Variants in MOXD1 observed in about 807,000 individuals in gnomAD.
The protein encoded by MOXD1 is DBH-like monooxygenase protein 1.
A neutral mutation model predicts 66.6 loss-of-function variants in MOXD1; 62 were observed. The ratio of observed to expected loss-of-function variants is 0.93; its 90% confidence interval spans 0.76 to 1.15. MOXD1 has a LOEUF of 1.15. Among genes scored for constraint, MOXD1 ranks in the 50% most tolerant of loss-of-function variants. The probability of loss-of-function intolerance (pLI) is 0.00; values close to 1 mark genes in which losing one functional copy is unlikely to be tolerated. For synonymous variants in MOXD1, 303 were observed against 281.9 expected (o/e 1.07, Z -0.75); for missense variants, 847 against 754.6 (o/e 1.12, Z -1.44).
chr6:132,332,788 A>G (rs1775350128), intron 4 of MOXD1, among the ~76,000 whole-genome samples: 1 of 152,224 alleles, frequency 6.6e-6, no homozygotes, highest in Non-Finnish European at 1.5e-5. Flanking sequence ...AACAAGTTCT[A>G]CAAACATTTT....
Position 132,387,385 on chromosome 6 carries a change from GTT to G in MOXD1, c.265-12610_265-12609del, listed in dbSNP as rs1157174592. Among the ~76,000 whole-genome samples the G allele has an allele frequency of 4.0e-5, 6 of 151,180 alleles. No homozygotes were observed. In the East Asian group the frequency reaches 1.2e-3, roughly 29 times the overall value. On this transcript the variant is annotated intron_variant, in intron 1 of 11. Coordinates refer to ENST00000367963, the MANE Select transcript of MOXD1 (RefSeq NM_015529.4). ...ATTCCCAATGAATTTTTAACTTTTAGTTTCCTTTTATTATTTAAGAATATCGC... is the reference window on the plus strand; with the variant it reads ...ATTCCCAATGAATTTTTAACTTTTAGTCCTTTTATTATTTAAGAATATCGC...
intron 4 of MOXD1, among the ~76,000 whole-genome samples, chr6:132,368,282 A>G (rs1776185620): frequency 6.6e-6 from 1 of 152,120 alleles, no homozygotes; most frequent in South Asian, 2.1e-4. Flanking sequence ...TCTAAAATAA[A>G]GCTTAAAAAG....
chr6:132,346,835 AT>A (rs1199237966), intron 4 of MOXD1, among the ~76,000 whole-genome samples: 6 of 152,142 alleles, frequency 3.9e-5, no homozygotes, highest in African/African-American at 1.4e-4. Context: ...AACAAAATAA[AT>A]TTTTTGAACA....
chr6:132,324,767 C>T (rs1775152175), intron 6 of MOXD1, among the ~76,000 whole-genome samples: 1 of 152,160 alleles, frequency 6.6e-6, no homozygotes. Flanking sequence ...TTCATAAATT[C>T]ATTTCATTAA....
At chr6:132,306,390 G>A (rs1478961307) in intron 10 of MOXD1, among the ~76,000 whole-genome samples, 1 of 152,126 alleles carries the variant, frequency 6.6e-6, no homozygotes, top group Non-Finnish European at 1.5e-5. Flanking sequence ...ATGACTCATT[G>A]GAGTACCAGA....
chr6:132,380,793 TA>T (rs1776491561), intron 1 of MOXD1, among the ~76,000 whole-genome samples: 1 of 152,208 alleles, frequency 6.6e-6, no homozygotes, highest in South Asian at 2.1e-4. Flanking sequence ...TACACATGGT[TA>T]AGACCGGATA....
intron 1 of MOXD1, among the ~76,000 whole-genome samples, chr6:132,400,101 C>T (rs1776987231): frequency 6.6e-6 from 1 of 152,142 alleles, no homozygotes; most frequent in African/African-American, 2.4e-5. Flanking sequence ...CAGCTCAGTG[C>T]CAGAATCAGC....
intron 4 of MOXD1, among the ~76,000 whole-genome samples, chr6:132,365,422 C>T (rs1776100169): frequency 6.6e-6 from 1 of 152,116 alleles, no homozygotes; most frequent in Non-Finnish European, 1.5e-5. Context: ...GGAACTCAGA[C>T]CACAGAGCAG....
chr6:132,371,251 C>A (rs1776256660), intron 4 of MOXD1, among the ~76,000 whole-genome samples: 1 of 152,108 alleles, frequency 6.6e-6, no homozygotes, highest in African/African-American at 2.4e-5. Flanking sequence ...AGGACTTGGG[C>A]ATGGTATTAA....
chr6:132,352,828 G>A (rs1015782178), intron 4 of MOXD1, among the ~76,000 whole-genome samples: 11 of 152,098 alleles, frequency 7.2e-5, no homozygotes, highest in African/African-American at 2.4e-4. Flanking sequence ...TTACGTGCAT[G>A]TATGTTTAGG....
At chr6:132,332,651 T>C (rs916623594) in intron 4 of MOXD1, among the ~76,000 whole-genome samples, 1 of 152,146 alleles carries the variant, frequency 6.6e-6, no homozygotes, top group Non-Finnish European at 1.5e-5. Flanking sequence ...ACAGGGCCAT[T>C]GGCTCAAATG....
intron 1 of MOXD1, among the ~76,000 whole-genome samples, chr6:132,379,632 T>C (rs1460099360): frequency 6.6e-6 from 1 of 152,202 alleles, no homozygotes; most frequent in South Asian, 2.1e-4. Flanking sequence ...GAATCTCATC[T>C]GCTCCAATAG....
chr6:132,320,902 A>G (rs574552034), intron 8 of MOXD1, among the ~76,000 whole-genome samples: 1 of 152,340 alleles, frequency 6.6e-6, no homozygotes, highest in South Asian at 2.1e-4. Flanking sequence ...AGACTCCACA[A>G]CATTCTAGCT....
chr6:132,379,812 G>A (rs963844169), intron 1 of MOXD1, among the ~76,000 whole-genome samples: 7 of 152,108 alleles, frequency 4.6e-5, no homozygotes, highest in Admixed American at 4.6e-4. Flanking sequence ...ATTCAAAACT[G>A]TAGTCTTTAT....
intron 10 of MOXD1, among the ~76,000 whole-genome samples, chr6:132,313,268 G>T (rs573076124): frequency 6.6e-6 from 1 of 152,236 alleles, no homozygotes; most frequent in South Asian, 2.1e-4. Flanking sequence ...AACCGGGATT[G>T]CATGTCTTGC....
intron 1 of MOXD1, among the ~76,000 whole-genome samples, chr6:132,386,587 C>T (rs1776651201): frequency 6.6e-6 from 1 of 151,406 alleles, no homozygotes; most frequent in Non-Finnish European, 1.5e-5. Context: ...TTGCTAATGT[C>T]TTCCCTTCCA....
rs1776372670 is a variant in MOXD1, at chr6:132,376,054, T to A, written c.265-1277A>T. 3.3e-5 allele frequency among the ~76,000 whole-genome samples: 5 copies of A among 152,224 alleles called. No homozygotes were observed. The South Asian group carries it at 1.0e-3, about 32-fold the overall frequency. On this transcript the variant is annotated intron_variant, in intron 1 of 11. Coordinates refer to ENST00000367963, the MANE Select transcript of MOXD1 (RefSeq NM_015529.4). ...TATGCCTTTTACCATTCGCCTACTC[T>A]GTTGAGTCATCCAAATCAAAGTATT...
rs2114513894 is a variant in MOXD1, at chr6:132,296,232, A to C, written c.*921T>G. 6.6e-6 allele frequency: 1 copy of C among 152,280 alleles called. No homozygotes were observed. Among genetic ancestry groups the C allele is most frequent in the East Asian group, 1.9e-4 (1 of 5,186 alleles). 9.4% of individuals were successfully genotyped at this position (152,280 alleles called of 1,614,324 possible). A position where few individuals can be genotyped will look rare whatever the true frequency, so the allele number is the denominator to read the frequency against. ...TAATATAAAAATAAATCTACAATAG[A>C]ACCATGACTTAAACTGAGCCAGTAT... On this transcript the variant is annotated 3_prime_UTR_variant, in exon 12 of 12. Coordinates refer to ENST00000367963, the MANE Select transcript of MOXD1 (RefSeq NM_015529.4).
intron 4 of MOXD1, among the ~76,000 whole-genome samples, chr6:132,334,016 A>ACC (rs1184709400): frequency 6.6e-6 from 1 of 152,188 alleles, no homozygotes; most frequent in Non-Finnish European, 1.5e-5. Context: ...AGTAGCCAAA[A>ACC]CCAAGGTGGA....
Sources: gnomAD v4.1 joint callset for allele counts (sites outside exome capture counted in the v4.1 genomes callset) on GRCh38, gnomAD v4.1.1 for gene constraint, MANE v1.5 for transcripts, NCBI Gene and HGNC (gene_info 2026-07-23, HGNC 2026-07-21) for gene names.